The following PPP1R42 variants were observed in gnomAD, a reference collection of about 807,000 sequenced individuals.
PPP1R42 encodes the protein leucine rich repeat containing 67.
In PPP1R42, 34 loss-of-function variants were observed where a neutral mutation model predicts 31.0. The ratio of observed to expected loss-of-function variants is 1.10; its 90% CI spans 0.83 to 1.46. PPP1R42 has a LOEUF of 1.46. Among genes scored for constraint, PPP1R42 ranks in the 40% most tolerant of loss-of-function variants. The pLI is 0.00. For synonymous variants in PPP1R42, 103 were observed against 109.8 expected (o/e 0.94, Z 0.39); for missense variants, 268 against 303.0 (o/e 0.88, Z 0.86).
intron 5 of PPP1R42, among the ~76,000 whole-genome samples, chr8:66,991,407 A>C (rs551010850): frequency 1.3e-5 from 2 of 152,354 alleles, no homozygotes; most frequent in Non-Finnish European, 2.9e-5. Context: ...CAGGAAAAAC[A>C]TGCAAAGACA....
Position 66,979,817 on chromosome 8 carries a change from T to A in PPP1R42, c.802+2232A>T, listed in dbSNP as rs560081233. Among the ~76,000 whole-genome samples, 586 of 152,308 alleles carry A rather than the reference T, an allele frequency of 3.8e-3. 3 individuals carry two copies. The highest frequency in any genetic ancestry group is 0.013 in the African/African-American group (556 of 41,568). ...TTTGGTTAGTAGACTATAATTTTTT[T>A]AAGTTGTAAATTTAAAGACATATTA... On this transcript the variant is annotated intron_variant, in intron 7 of 7. Coordinates refer to ENST00000685739, the MANE Select transcript of PPP1R42 (RefSeq NM_001364910.1).
chr8:67,018,120 C>CT (rs113945042), intron 1 of PPP1R42, among the ~76,000 whole-genome samples: 1,644 of 144,012 alleles, frequency 0.011, 23 homozygotes, highest in African/African-American at 0.03. Flanking sequence ...TTTTTCTTTT[C>CT]TTTTTTTTTT....
At chr8:67,015,023 T>A (rs1010628101) in intron 2 of PPP1R42, among the ~76,000 whole-genome samples, 1 of 152,116 alleles carries the variant, frequency 6.6e-6, no homozygotes, top group Non-Finnish European at 1.5e-5. Flanking sequence ...AGATTATTAT[T>A]ATTTTTTTTT....
chr8:66,964,241 C>G lies in PPP1R42; in HGVS notation c.*80G>C, dbSNP rs1395463322. 4 of 1,095,622 alleles carry G rather than the reference C, an allele frequency of 3.7e-6. No homozygotes were observed. The highest frequency in any genetic ancestry group is 1.2e-4 in the East Asian group (2 of 17,106). 67.9% of individuals were successfully genotyped at this position (1,095,622 alleles called of 1,614,324 possible). On this transcript the variant is annotated 3_prime_UTR_variant, in exon 8 of 8. Transcript: ENST00000685739. ...GCTGAATTTACTCATTTTCCACAAA[C>G]AAATTTTCTTTTTCTTCTGGGTTAT...
chr8:66,998,965 C>T (rs1206971920), intron 5 of PPP1R42, among the ~76,000 whole-genome samples: 1 of 152,064 alleles, frequency 6.6e-6, no homozygotes, highest in African/African-American at 2.4e-5. Flanking sequence ...TTTTGCTTCT[C>T]TGTTCATAGG....
chr8:67,019,705 A>C (rs1194157710), intron 1 of PPP1R42, among the ~76,000 whole-genome samples: 1 of 151,586 alleles, frequency 6.6e-6, no homozygotes, highest in African/African-American at 2.4e-5. Context: ...ATCCTGGCTA[A>C]CACGGTGAAA....
chr8:67,005,154 C>G (rs556921098), intron 5 of PPP1R42, among the ~76,000 whole-genome samples: 28 of 149,072 alleles, frequency 1.9e-4, no homozygotes, highest in Non-Finnish European at 3.1e-4. Flanking sequence ...GGTTTTTGAC[C>G]CACAGACTCT....
chr8:66,985,253 GT>G, intron 6 of PPP1R42: 4 of 1,075,210 alleles, frequency 3.7e-6, no homozygotes, highest in Non-Finnish European at 5.7e-6. Context: ...TTAAAAGTGC[GT>G]TTCTGGCGCT....
chr8:67,017,336 A>C (rs1385893588), intron 2 of PPP1R42, among the ~76,000 whole-genome samples: 1 of 152,096 alleles, frequency 6.6e-6, no homozygotes, highest in African/African-American at 2.4e-5. Flanking sequence ...TGTACTAAAA[A>C]TACAAAAGTT....
intron 6 of PPP1R42, chr8:66,984,568 T>C: frequency 8.2e-7 from 1 of 1,214,958 alleles, no homozygotes; most frequent in Non-Finnish European, 1.2e-6. Context: ...ACTTCTTGGC[T>C]GGGGTGCTCA....
At chr8:66,977,284 T>C (rs1297446198) in intron 7 of PPP1R42, among the ~76,000 whole-genome samples, 1 of 151,598 alleles carries the variant, frequency 6.6e-6, no homozygotes, top group Non-Finnish European at 1.5e-5. Context: ...CCAACTGCCA[T>C]GGCCTCCCAA....
intron 5 of PPP1R42, among the ~76,000 whole-genome samples, chr8:67,003,389 C>CTTTT (rs5892069): frequency 9.1e-5 from 3 of 32,930 alleles, no homozygotes; most frequent in Admixed American, 3.9e-4. Context: ...TTTCATGCTT[C>CTTTT]TTTTTTTTTT....
At chr8:66,977,787 T>C (rs2130919693) in intron 7 of PPP1R42, among the ~76,000 whole-genome samples, 1 of 152,340 alleles carries the variant, frequency 6.6e-6, no homozygotes, top group Admixed American at 6.5e-5. Flanking sequence ...ATTACAGGCA[T>C]GAGCCACCTC....
intron 5 of PPP1R42, among the ~76,000 whole-genome samples, chr8:67,009,232 T>G (rs559739432): frequency 6.6e-6 from 1 of 151,786 alleles, no homozygotes; most frequent in East Asian, 1.9e-4. Context: ...ATCACGCCAC[T>G]GCACTCCAGC....
At chr8:67,004,588 G>T (rs1230091141) in intron 5 of PPP1R42, among the ~76,000 whole-genome samples, 1 of 151,878 alleles carries the variant, frequency 6.6e-6, no homozygotes, top group Non-Finnish European at 1.5e-5. Context: ...TAAGTGCTCT[G>T]TTATTCATGT....
chr8:67,005,526 C>G (rs1466047833), intron 5 of PPP1R42, among the ~76,000 whole-genome samples: 1 of 152,142 alleles, frequency 6.6e-6, no homozygotes, highest in Admixed American at 6.5e-5. Flanking sequence ...TTGACATGTC[C>G]ATTTCAATAT....
chr8:67,010,343 A>T (rs773976637), intron 5 of PPP1R42, among the ~76,000 whole-genome samples: 1 of 152,252 alleles, frequency 6.6e-6, no homozygotes, highest in Non-Finnish European at 1.5e-5. Flanking sequence ...GAAGTAGCCA[A>T]GAGAGAGTTC....
chr8:67,024,980 C>A (rs1354010551), intron 1 of PPP1R42, among the ~76,000 whole-genome samples: 1 of 150,278 alleles, frequency 6.7e-6, no homozygotes, highest in African/African-American at 2.5e-5. Context: ...CACTCTTGCC[C>A]AGGCTGGAGT....
intron 7 of PPP1R42, among the ~76,000 whole-genome samples, chr8:66,976,992 G>A (rs1814695258): frequency 1.3e-5 from 2 of 150,950 alleles, no homozygotes; most frequent in African/African-American, 4.9e-5. Context: ...TTAAATTCAA[G>A]GAAAATCTGG....
Sources: gnomAD v4.1 joint callset for allele counts (sites outside exome capture counted in the v4.1 genomes callset) on GRCh38, gnomAD v4.1.1 for gene constraint, MANE v1.5 for transcripts, NCBI Gene and HGNC (gene_info 2026-07-23, HGNC 2026-07-21) for gene names.